RANBP2: variants seen among roughly 807,000 people sequenced by gnomAD.
RANBP2 encodes the protein E3 SUMO-protein ligase RanBP2.
Under a neutral mutation model 303.6 loss-of-function variants are expected in RANBP2, and 57 were observed. The ratio of observed to expected loss-of-function variants is 0.19; its 90% confidence interval spans 0.15 to 0.23. RANBP2 has a LOEUF of 0.23. Ranked by LOEUF, RANBP2 falls within the 10% of genes least tolerant of loss-of-function variation. RANBP2 has a pLI of 1.00. For missense variants in RANBP2, 3,138 were observed against 3,780.8 expected (o/e 0.83, Z 4.46); for synonymous variants, 1,167 against 1,301.5 (o/e 0.90, Z 2.23).
chr2:108,897,194 C>T, the RANBP2 span: 2 of 1,613,610 alleles, frequency 1.2e-6, no homozygotes, highest in African/African-American at 1.3e-5. Context: ...CTAGTCTTCT[C>T]GAGGCAATCA....
chr2:109,492,857 G>T, the RANBP2 span, among the ~76,000 whole-genome samples: 1 of 152,084 alleles, frequency 6.6e-6, no homozygotes, highest in African/African-American at 2.4e-5. Flanking sequence ...TCCAGGGGCT[G>T]CACCATTGTT....
At chr2:108,925,621 CT>C in the RANBP2 span, among the ~76,000 whole-genome samples, 42 of 149,790 alleles carry the variant, frequency 2.8e-4, no homozygotes, top group East Asian at 7.8e-4. Flanking sequence ...AGGTGATACA[CT>C]TTTTTTTTTC....
the RANBP2 span, among the ~76,000 whole-genome samples, chr2:109,218,113 G>A: frequency 6.6e-6 from 1 of 151,548 alleles, no homozygotes; most frequent in Non-Finnish European, 1.5e-5. Context: ...TGGAAACTGA[G>A]TAGAGACAGA....
At chr2:109,002,752 G>C in the RANBP2 span, among the ~76,000 whole-genome samples, 1 of 152,180 alleles carries the variant, frequency 6.6e-6, no homozygotes, top group Non-Finnish European at 1.5e-5. Context: ...TGGTGGGATA[G>C]ATAACAATCC....
At chr2:109,105,294 T>C in the RANBP2 span, among the ~76,000 whole-genome samples, 315 of 152,202 alleles carry the variant, frequency 2.1e-3, 3 homozygotes, top group African/African-American at 7.2e-3. Flanking sequence ...AAGGGAAAAG[T>C]GCCTCAAATG....
At chr2:109,041,004 G>A in the RANBP2 span, among the ~76,000 whole-genome samples, 7 of 151,912 alleles carry the variant, frequency 4.6e-5, no homozygotes, top group Admixed American at 1.3e-4. Flanking sequence ...TGCTGTGAGC[G>A]GAGATTGCGC....
At chr2:109,670,435 T>A in the RANBP2 span, among the ~76,000 whole-genome samples, 1 of 149,148 alleles carries the variant, frequency 6.7e-6, no homozygotes, top group Non-Finnish European at 1.5e-5. Flanking sequence ...GGGAGTGGAT[T>A]GGGTGCGATA....
chr2:109,049,634 A>G, the RANBP2 span, among the ~76,000 whole-genome samples: 1 of 152,154 alleles, frequency 6.6e-6, no homozygotes, highest in African/African-American at 2.4e-5. Context: ...AACAAGCACT[A>G]TGGGATCTGA....
At chr2:109,486,150 G>T in the RANBP2 span, among the ~76,000 whole-genome samples, 6 of 152,198 alleles carry the variant, frequency 3.9e-5, no homozygotes, top group African/African-American at 1.4e-4. Flanking sequence ...TCTGTGTCTT[G>T]ACATTACTCT....
the RANBP2 span, among the ~76,000 whole-genome samples, chr2:108,993,618 C>T: frequency 1.3e-5 from 2 of 152,120 alleles, no homozygotes; most frequent in African/African-American, 4.8e-5. Flanking sequence ...GTGATCTGTC[C>T]TCCCCCAGCA....
the RANBP2 span, among the ~76,000 whole-genome samples, chr2:108,938,217 T>C: frequency 1.3e-5 from 2 of 152,222 alleles, no homozygotes; most frequent in Non-Finnish European, 2.9e-5. Context: ...TTTCCGCTAG[T>C]CTTTATTTTC....
At chr2:108,894,611 G>A in the RANBP2 span, 1 of 152,556 alleles carries the variant, frequency 6.6e-6, no homozygotes, top group South Asian at 2.1e-4. Flanking sequence ...ATGTTTTAAA[G>A]TATTGCAGAA....
chr2:108,877,356 C>T, the RANBP2 span, among the ~76,000 whole-genome samples: 1 of 151,918 alleles, frequency 6.6e-6, no homozygotes, highest in Non-Finnish European at 1.5e-5. Flanking sequence ...ATCCTAGCTA[C>T]TCGGGAGGCT....
the RANBP2 span, among the ~76,000 whole-genome samples, chr2:109,713,791 T>A: frequency 6.6e-6 from 1 of 152,202 alleles, no homozygotes; most frequent in African/African-American, 2.4e-5. Flanking sequence ...GATTGAAAGC[T>A]CTCAATGAAT....
the RANBP2 span, among the ~76,000 whole-genome samples, chr2:109,523,853 C>T: frequency 6.6e-6 from 1 of 152,206 alleles, no homozygotes; most frequent in South Asian, 2.1e-4. Flanking sequence ...CGACGGTCTC[C>T]CTCTCAGATT....
chr2:108,853,622 G>C, the RANBP2 span, among the ~76,000 whole-genome samples: 1 of 150,194 alleles, frequency 6.7e-6, no homozygotes, highest in Non-Finnish European at 1.5e-5. Context: ...GAACTCCTGG[G>C]CTCAAGCAGT....
At chr2:108,886,009 G>A in the RANBP2 span, among the ~76,000 whole-genome samples, 1 of 152,068 alleles carries the variant, frequency 6.6e-6, no homozygotes, top group Non-Finnish European at 1.5e-5. Flanking sequence ...CCATTCGTCC[G>A]CTGATGGGCA....
chr2:108,766,055 C>T lies in RANBP2; in HGVS notation c.5516C>T (p.Thr1839Ile), dbSNP rs1205694790. The T allele has an allele frequency of 1.2e-6, 2 of 1,614,108 alleles. No homozygotes were observed. The highest frequency in any genetic ancestry group is 3.3e-4 in the Middle Eastern group (2 of 6,060). Residue 1839 changes from threonine to isoleucine, a missense_variant, in exon 20 of 29, where the codon ACA becomes ATA. Physicochemically the swap from Thr to Ile is moderately conservative, Grantham distance 89. Transcript: ENST00000283195. Reference protein sequence around the residue: ...LHDSSGSQVGTGFKSNFSEKA... With the variant: ...LHDSSGSQVGIGFKSNFSEKA... ...GACTCTTCTGGAAGTCAGGTGGGAA[C>T]AGGATTTAAAAGTAATTTCTCAGAA...
the RANBP2 span, among the ~76,000 whole-genome samples, chr2:109,472,457 C>T: frequency 6.6e-6 from 1 of 152,104 alleles, no homozygotes; most frequent in Non-Finnish European, 1.5e-5. Flanking sequence ...CGGGGCTTCC[C>T]GTCAGGGCTT....
Sources: gnomAD v4.1 joint callset for allele counts (sites outside exome capture counted in the v4.1 genomes callset) on GRCh38, gnomAD v4.1.1 for gene constraint, MANE v1.5 for transcripts, NCBI Gene and HGNC (gene_info 2026-07-23, HGNC 2026-07-21) for gene names.